ZNF808: variants seen among roughly 807,000 people sequenced by gnomAD.
The protein encoded by ZNF808 is zinc finger protein 808.
In ZNF808, 5 loss-of-function variants were observed where a neutral mutation model predicts 8.7. The ratio of observed to expected loss-of-function variants is 0.58; its 90% CI spans 0.30 to 1.21. The LOEUF is 1.21. ZNF808 is among the 50% of genes most tolerant of loss of function. The pLI, the probability that ZNF808 is intolerant of heterozygous loss-of-function variation, is 0.07. For missense variants in ZNF808, 1,103 were observed against 1,098.4 expected (o/e 1.00, Z -0.06); for synonymous variants, 380 against 366.0 (o/e 1.04, Z -0.44).
chr19:52,563,442 A>T (rs577462480), exon 4 of ZNF808: 1 of 152,266 alleles, frequency 6.6e-6, no homozygotes, highest in East Asian at 1.9e-4. Flanking sequence ...CTGCAGTGGG[A>T]GGATGGCTTG....
Position 52,554,466 on chromosome 19 carries a change from G to A in ZNF808, c.1550G>A (p.Gly517Asp), listed in dbSNP as rs754724436. The A allele has an allele frequency of 6.8e-6, 11 of 1,613,966 alleles. No individual in the cohort carries two copies. Among genetic ancestry groups the A allele is most frequent in the Non-Finnish European group, 8.5e-6 (10 of 1,180,026 alleles). Reference sequence around the variant, plus strand: ...AAACCTTACAAGTGTAATCAGTGTGGCAATACCTTCCGTCACCGGGCATCC... The same window carrying A: ...AAACCTTACAAGTGTAATCAGTGTGACAATACCTTCCGTCACCGGGCATCC... Reference protein sequence around the residue: ...GEKPYKCNQCGNTFRHRASLV... With the variant: ...GEKPYKCNQCDNTFRHRASLV... Residue 517 changes from glycine (G) to aspartate (D), a missense_variant, in exon 5 of 5, where the codon GGC (glycine) becomes GAC (aspartate). Physicochemically the swap from Gly to Asp is moderately conservative, Grantham distance 94. Transcript: ENST00000359798.
intron 3 of ZNF808, among the ~76,000 whole-genome samples, chr19:52,544,581 G>A (rs983919389): frequency 5.3e-5 from 8 of 151,986 alleles, no homozygotes; most frequent in African/African-American, 1.9e-4. Context: ...TGCCTATCTC[G>A]GACTCCCTAA....
chr19:52,557,842 C>T (rs956204889), downstream of ZNF808, among the ~76,000 whole-genome samples: 5 of 151,932 alleles, frequency 3.3e-5, no homozygotes, highest in Non-Finnish European at 7.4e-5. Flanking sequence ...CTTCCAGGCC[C>T]CCATGTAAGA....
chr19:52,560,723 G>C (rs1458014123), downstream of ZNF808, among the ~76,000 whole-genome samples: 1 of 152,052 alleles, frequency 6.6e-6, no homozygotes, highest in Non-Finnish European at 1.5e-5. Context: ...TGCTAAATTA[G>C]TTCCATTTTC....
At chr19:52,543,239 T>C in intron 2 of ZNF808, 27 bp from the exon 3 acceptor site, 6 of 1,608,224 alleles carry the variant, frequency 3.7e-6, no homozygotes, top group Non-Finnish European at 4.2e-6. Context: ...ATTTCTAACA[T>C]GAAGTCTTAT....
downstream of ZNF808, among the ~76,000 whole-genome samples, chr19:52,567,649 G>A (rs1294766747): frequency 6.6e-5 from 10 of 150,874 alleles, no homozygotes; most frequent in Non-Finnish European, 1.0e-4. Flanking sequence ...CTCAGCCTCC[G>A]GAGTAGCTGG....
intron 2 of ZNF808, among the ~76,000 whole-genome samples, chr19:52,536,451 T>C (rs2059612347): frequency 6.6e-6 from 1 of 152,084 alleles, no homozygotes; most frequent in African/African-American, 2.4e-5. Context: ...GTCTTCTGCC[T>C]GGTCCTGGAA....
At chr19:52,567,390 C>T (rs866153359), downstream of ZNF808, among the ~76,000 whole-genome samples, 5 of 149,986 alleles carry the variant, frequency 3.3e-5, no homozygotes, top group South Asian at 2.1e-4. Flanking sequence ...TTTTTGAGGT[C>T]GCCCTACTGT....
At position 52,555,254 on chromosome 19, in the gene ZNF808, T is replaced by C. The variant is rs749753179; in HGVS notation, c.2338T>C (p.Tyr780His). The change falls in exon 5 of 5, where the codon TAC becomes CAC. Residue 780 changes from tyrosine (Y) to histidine (H), a missense_variant. Physicochemically the swap from Tyr to His is moderately conservative, Grantham distance 83. Transcript: ENST00000359798. ...NTFRHWSSLV[Y>H]HRRLHTGEKS... ...CTTCCGTCACTGGTCATCCCTTGTA[T>C]ACCATCGTAGACTTCATACTGGAGA... 2.5e-6 allele frequency: 4 copies of C among 1,614,010 alleles called. No homozygotes were observed. The highest frequency in any genetic ancestry group is 1.1e-5 in the South Asian group (1 of 91,080).
At chr19:52,560,995 C>T (rs981260316), downstream of ZNF808, among the ~76,000 whole-genome samples, 3 of 152,072 alleles carry the variant, frequency 2.0e-5, no homozygotes, top group Admixed American at 1.3e-4. Context: ...CCTTATTCAT[C>T]CACTGGACAA....
At chr19:52,533,163 G>A (rs1041242566) in intron 2 of ZNF808, among the ~76,000 whole-genome samples, 154 bp downstream of exon 2, 2 of 152,022 alleles carry the variant, frequency 1.3e-5, no homozygotes, top group Non-Finnish European at 2.9e-5. Context: ...GTTTTCTGAG[G>A]TAGTATGTTT....
Position 52,537,389 on chromosome 19 carries a change from G to C in ZNF808, c.-20+4380G>C, listed in dbSNP as rs112232106. On this transcript the variant is annotated intron_variant, in intron 2 of 4. Transcript: ENST00000359798. The stretch of plus-strand genomic sequence containing the variant: ...GTACAGAATTAGAGAGGGAAGCACA[G>C]TAATGAAGAAAGAGGGGCCAGGTGC... Among the ~76,000 whole-genome samples the C allele has an allele frequency of 5.2e-3, 786 of 151,752 alleles. 5 individuals are homozygous for C. Among genetic ancestry groups the C allele is most frequent in the African/African-American group, 0.018 (731 of 41,376 alleles).
chr19:52,537,246 T>C (rs910560585), intron 2 of ZNF808, among the ~76,000 whole-genome samples: 3 of 149,886 alleles, frequency 2.0e-5, no homozygotes, highest in African/African-American at 7.4e-5. Context: ...AGAGGAGTAA[T>C]AGAGGGAAGA....
At chr19:52,542,928 C>T (rs2059685375) in intron 2 of ZNF808, among the ~76,000 whole-genome samples, 5 of 149,938 alleles carry the variant, frequency 3.3e-5, no homozygotes, top group Admixed American at 1.3e-4. Context: ...CCTGCCTCAG[C>T]TTCCCAAGTA....
rs540462103 is a variant in ZNF808 at position 52,536,278 on chromosome 19, T to C, written c.-20+3269T>C. On this transcript the variant is annotated intron_variant, in intron 2 of 4. Coordinates refer to ENST00000359798, the MANE Select transcript of ZNF808 (RefSeq NM_001039886.4). ...GCTATAGGGCAGTGTATACACTTCC[T>C]GTCGCTTAGTTTTCCTGGTCAAAAC... Among the ~76,000 whole-genome samples, 33 of 152,312 alleles carry C rather than the reference T, an allele frequency of 2.2e-4. No individual in the cohort carries two copies. In the South Asian group the frequency reaches 6.4e-3, roughly 30 times the overall value.
intron 1 of ZNF808, among the ~76,000 whole-genome samples, chr19:52,532,067 G>A (rs2059566408): frequency 6.6e-6 from 1 of 152,110 alleles, no homozygotes; most frequent in African/African-American, 2.4e-5. Context: ...TTTATCATGG[G>A]TTAGAATAGT....
At chr19:52,538,051 G>C (rs911096974) in intron 2 of ZNF808, among the ~76,000 whole-genome samples, 2 of 151,926 alleles carry the variant, frequency 1.3e-5, no homozygotes, top group African/African-American at 4.8e-5. Flanking sequence ...TGGCTCTGTC[G>C]CTCAGCTGGA....
intron 2 of ZNF808, among the ~76,000 whole-genome samples, chr19:52,534,756 G>C (rs563096406): frequency 2.2e-4 from 34 of 152,112 alleles, no homozygotes; most frequent in African/African-American, 8.2e-4. Flanking sequence ...GGGCATGGTC[G>C]TGTGCGCTTG....
downstream of ZNF808, among the ~76,000 whole-genome samples, chr19:52,561,163 TC>T (rs1913026065): frequency 1.9e-3 from 128 of 67,110 alleles, 3 homozygotes; most frequent in African/African-American, 4.4e-3. Context: ...ATCTGTTCTC[TC>T]TCTCTCTCTC....
Sources: gnomAD v4.1 joint callset for allele counts (sites outside exome capture counted in the v4.1 genomes callset) on GRCh38, gnomAD v4.1.1 for gene constraint, MANE v1.5 for transcripts, NCBI Gene and HGNC (gene_info 2026-07-23, HGNC 2026-07-21) for gene names.